Variants in TOX observed in about 807,000 individuals in gnomAD.
The protein encoded by TOX is thymocyte selection-associated high mobility group box protein TOX.
In TOX, 11 loss-of-function variants were observed where a neutral mutation model predicts 53.7. The observed-to-expected ratio is 0.20, with a 90% confidence interval of 0.13 to 0.34. The LOEUF (loss-of-function observed/expected upper bound fraction) is 0.34. TOX is among the 10% of genes least tolerant of loss of function. TOX has a pLI of 1.00. For missense variants in TOX, 570 were observed against 664.6 expected (o/e 0.86, Z 1.56); for synonymous variants, 225 against 245.3 (o/e 0.92, Z 0.77).
chr8:59,086,821 T>C (rs1337388407), intron 1 of TOX, among the ~76,000 whole-genome samples: 1 of 152,252 alleles, frequency 6.6e-6, no homozygotes, highest in African/African-American at 2.4e-5. Flanking sequence ...CTGATGGCTA[T>C]GCCCATTACA....
At chr8:58,961,149 G>C (rs563890229) in intron 1 of TOX, among the ~76,000 whole-genome samples, 1 of 152,118 alleles carries the variant, frequency 6.6e-6, no homozygotes, top group Non-Finnish European at 1.5e-5. Context: ...CACCACCTAT[G>C]AACTGCTAGC....
intron 3 of TOX, among the ~76,000 whole-genome samples, chr8:58,911,925 C>T (rs1172212155): frequency 1.3e-5 from 2 of 152,210 alleles, no homozygotes; most frequent in Non-Finnish European, 2.9e-5. Flanking sequence ...TGGTCTCGAA[C>T]TCCTAACCTC....
chr8:59,112,368 A>G (rs1409182132), intron 1 of TOX, among the ~76,000 whole-genome samples: 1 of 152,354 alleles, frequency 6.6e-6, no homozygotes, highest in East Asian at 1.9e-4. Flanking sequence ...TAAGCAGTTT[A>G]TAACTCAACT....
intron 1 of TOX, among the ~76,000 whole-genome samples, chr8:59,049,093 C>T (rs377256949): frequency 1.4e-4 from 19 of 131,454 alleles, no homozygotes; most frequent in African/African-American, 4.9e-4. Flanking sequence ...TATTATTTGG[C>T]CCGGTAATGA....
At chr8:58,825,873 C>A (rs1174414775) in intron 6 of TOX, among the ~76,000 whole-genome samples, 2 of 151,994 alleles carry the variant, frequency 1.3e-5, no homozygotes, top group African/African-American at 2.4e-5. Context: ...TGAGATAATA[C>A]AAAAAAGCTA....
At chr8:58,824,759 C>G (rs1352174814) in intron 6 of TOX, among the ~76,000 whole-genome samples, 2 of 152,170 alleles carry the variant, frequency 1.3e-5, no homozygotes, top group African/African-American at 2.4e-5. Context: ...GAAAGTTCTT[C>G]AAGTCTAAGG....
rs1458056362 is a variant in TOX, at chr8:58,949,178, G to T, written c.169-9634C>A. On this transcript the variant is annotated intron_variant, in intron 2 of 8. Transcript: ENST00000361421. ...ATGTAAATACTTTGAGTAATACACT[G>T]GTTCAAAGAAGCAATCAATAAATGT... is the stretch of plus-strand genomic sequence containing the variant. Among the ~76,000 whole-genome samples, 2 of 152,142 alleles carry T rather than the reference G, an allele frequency of 1.3e-5. 1 individual carries two copies.
At chr8:58,823,308 C>G (rs1003183838) in intron 6 of TOX, among the ~76,000 whole-genome samples, 1 of 152,142 alleles carries the variant, frequency 6.6e-6, no homozygotes, top group Non-Finnish European at 1.5e-5. Flanking sequence ...ACTGCAACCT[C>G]TACCTCACGG....
At chr8:58,877,263 T>A (rs571570190) in intron 3 of TOX, among the ~76,000 whole-genome samples, 3 of 152,362 alleles carry the variant, frequency 2.0e-5, no homozygotes, top group Non-Finnish European at 4.4e-5. Context: ...GTATGATTTT[T>A]AAGTGATTTT....
At chr8:59,081,758 C>G (rs894620895) in intron 1 of TOX, among the ~76,000 whole-genome samples, 1 of 151,940 alleles carries the variant, frequency 6.6e-6, no homozygotes, top group Non-Finnish European at 1.5e-5. Context: ...GATGGTGAGG[C>G]GGTGGATAAA....
At chr8:59,001,398 C>T (rs555706183) in intron 1 of TOX, among the ~76,000 whole-genome samples, 1 of 152,316 alleles carries the variant, frequency 6.6e-6, no homozygotes, top group East Asian at 1.9e-4. Context: ...CTCCCACTCA[C>T]ACCCTAAAAA....
chr8:58,841,099 G>A (rs1336813893), intron 4 of TOX, among the ~76,000 whole-genome samples: 1 of 152,234 alleles, frequency 6.6e-6, no homozygotes, highest in Non-Finnish European at 1.5e-5. Flanking sequence ...CTATTTGTGG[G>A]TGGATGGTGG....
chr8:58,931,967 T>G (rs1486117421), intron 3 of TOX, among the ~76,000 whole-genome samples: 1 of 152,188 alleles, frequency 6.6e-6, no homozygotes, highest in Non-Finnish European at 1.5e-5. Context: ...TAGTTTGGGA[T>G]AATATTTTAT....
intron 3 of TOX, among the ~76,000 whole-genome samples, chr8:58,858,249 A>G (rs1289211249): frequency 6.6e-6 from 1 of 152,230 alleles, no homozygotes; most frequent in Non-Finnish European, 1.5e-5. Context: ...GAATGGCACC[A>G]GAACGATGGA....
At chr8:58,824,273 A>G (rs777312522) in intron 6 of TOX, among the ~76,000 whole-genome samples, 1 of 152,142 alleles carries the variant, frequency 6.6e-6, no homozygotes, top group Non-Finnish European at 1.5e-5. Flanking sequence ...GGATTAAGGG[A>G]ACTTATGCAC....
chr8:59,077,380 TGTTAA>T (rs1315074724), intron 1 of TOX, among the ~76,000 whole-genome samples: 4 of 152,212 alleles, frequency 2.6e-5, no homozygotes, highest in Non-Finnish European at 5.9e-5. Context: ...TGAGGGCTCA[TGTTAA>T]GTTTAGAGTG....
At position 58,969,528 on chromosome 8, in the gene TOX, A is replaced by G. The variant is rs552981545; in HGVS notation, c.103-9520T>C. On this transcript the variant is annotated intron_variant, in intron 1 of 8. Transcript: ENST00000361421. Reference sequence around the variant, plus strand: ...GCCCTTCATAAAACCTCATGATCTCATGTAACTTTCCCTGCTGATTTATCT... The same window carrying G: ...GCCCTTCATAAAACCTCATGATCTCGTGTAACTTTCCCTGCTGATTTATCT... Among the ~76,000 whole-genome samples, 3 of 152,268 alleles carry G rather than the reference A, an allele frequency of 2.0e-5. No homozygotes were observed. The East Asian group carries it at 5.8e-4, about 29-fold the overall frequency.
At chr8:58,877,481 T>C (rs1803160960) in intron 3 of TOX, among the ~76,000 whole-genome samples, 2 of 152,324 alleles carry the variant, frequency 1.3e-5, no homozygotes, top group South Asian at 2.1e-4. Flanking sequence ...AGAATAAATG[T>C]ATTCACTTTC....
rs115432755 is a variant in TOX at position 58,814,716 on chromosome 8, C to T, written c.1392+622G>A. On this transcript the variant is annotated intron_variant, in intron 7 of 8. Coordinates refer to ENST00000361421, the MANE Select transcript of TOX (RefSeq NM_014729.3). ...AAAGAAAAGTTAAGCTAAAATTGCACACAAATGGTTTCAATAATCAGGGAG... is the reference window on the plus strand; with the variant it reads ...AAAGAAAAGTTAAGCTAAAATTGCATACAAATGGTTTCAATAATCAGGGAG... 1.9e-3 allele frequency among the ~76,000 whole-genome samples: 291 copies of T among 152,264 alleles called. 1 individual carries two copies. The highest frequency in any genetic ancestry group is 6.7e-3 in the African/African-American group (279 of 41,548).
Sources: gnomAD v4.1 joint callset for allele counts (sites outside exome capture counted in the v4.1 genomes callset) on GRCh38, gnomAD v4.1.1 for gene constraint, MANE v1.5 for transcripts, NCBI Gene and HGNC (gene_info 2026-07-23, HGNC 2026-07-21) for gene names.